Variants in KTN1 observed in about 807,000 individuals in gnomAD.
The protein encoded by KTN1 is kinectin.
In KTN1, 130 loss-of-function variants were observed where a neutral mutation model predicts 222.5. The ratio of observed to expected loss-of-function variants is 0.58; its 90% confidence interval spans 0.51 to 0.68. The LOEUF is 0.68. Among genes scored for constraint, KTN1 ranks in the 30% least tolerant of loss-of-function variants. The pLI, the probability that KTN1 is intolerant of heterozygous loss-of-function variation, is 0.00. For synonymous variants in KTN1, 512 were observed against 496.3 expected (o/e 1.03, Z -0.42); for missense variants, 1,508 against 1,500.4 (o/e 1.01, Z -0.08).
At chr14:55,664,580 A>G (rs1316518531) in intron 33 of KTN1, among the ~76,000 whole-genome samples, 1 of 152,160 alleles carries the variant, frequency 6.6e-6, no homozygotes, top group Non-Finnish European at 1.5e-5. Context: ...TAGCAATGAC[A>G]CATGGCATGT....
At chr14:55,594,296 A>T (rs2034653640) in intron 1 of KTN1, among the ~76,000 whole-genome samples, 1 of 152,092 alleles carries the variant, frequency 6.6e-6, no homozygotes, top group African/African-American at 2.4e-5. Context: ...CTTCCTTTGC[A>T]CAAATCTTTT....
intron 5 of KTN1, among the ~76,000 whole-genome samples, chr14:55,622,645 A>G (rs1325314446): frequency 6.6e-6 from 1 of 152,130 alleles, no homozygotes; most frequent in Non-Finnish European, 1.5e-5. Flanking sequence ...TCAAACCTTC[A>G]GTGGTTTAAT....
chr14:55,603,481 C>G (rs769749667), intron 1 of KTN1, among the ~76,000 whole-genome samples: 33 of 152,182 alleles, frequency 2.2e-4, no homozygotes, highest in Non-Finnish European at 1.9e-4. Flanking sequence ...TGGTCCGTCT[C>G]TCCTCCTTAA....
chr14:55,673,479 C>T, intron 40 of KTN1: 2 of 347,064 alleles, frequency 5.8e-6, no homozygotes, highest in South Asian at 1.3e-4. Context: ...GCATGTTTGG[C>T]TTCCAACTCT....
intron 1 of KTN1, among the ~76,000 whole-genome samples, chr14:55,580,726 C>T (rs1297300908): frequency 6.6e-6 from 1 of 152,138 alleles, no homozygotes; most frequent in East Asian, 1.9e-4. Context: ...ACCGAGGCAC[C>T]TATTTTTAGC....
Position 55,637,770 on chromosome 14 carries a change from T to C in KTN1, c.1717-9T>C. 1 of 1,605,118 alleles carries C rather than the reference T, an allele frequency of 6.2e-7. No homozygotes were observed. Among genetic ancestry groups the C allele is most frequent in the Non-Finnish European group, 8.5e-7 (1 of 1,173,890 alleles). Reference sequence around the variant, plus strand: ...TGCTTTTTCTCTTTTTGGTTGCTATTTATGAAAGGATATTTTGGAGCAGAA... The same window carrying C: ...TGCTTTTTCTCTTTTTGGTTGCTATCTATGAAAGGATATTTTGGAGCAGAA... On this transcript the variant is annotated splice_polypyrimidine_tract_variant and intron_variant, in intron 11 of 43. Coordinates refer to ENST00000395314, the MANE Select transcript of KTN1 (RefSeq NM_001079521.2).
intron 1 of KTN1, among the ~76,000 whole-genome samples, chr14:55,588,965 A>G (rs1421423463): frequency 6.6e-6 from 1 of 151,688 alleles, no homozygotes; most frequent in Admixed American, 6.6e-5. Flanking sequence ...AAATTTTCCA[A>G]TATAGTTACC....
At chr14:55,627,280 A>G (rs1437214460) in intron 5 of KTN1, among the ~76,000 whole-genome samples, 1 of 152,052 alleles carries the variant, frequency 6.6e-6, no homozygotes, top group Non-Finnish European at 1.5e-5. Flanking sequence ...CTAGTTGGAA[A>G]TTTCAGGATA....
intron 1 of KTN1, among the ~76,000 whole-genome samples, chr14:55,591,476 G>C (rs1221238438): frequency 1.3e-5 from 2 of 151,760 alleles, no homozygotes; most frequent in Admixed American, 1.3e-4. Flanking sequence ...GTATATGTGT[G>C]ATGGCTCCAC....
At chr14:55,675,785 C>G in intron 40 of KTN1, 50 bp from the exon 41 acceptor site, 1 of 1,247,892 alleles carries the variant, frequency 8.0e-7, no homozygotes, top group South Asian at 1.2e-5. Context: ...TCAGCATAAT[C>G]AAAGAATGAT....
intron 1 of KTN1, 116 bp from the exon 2 acceptor site, chr14:55,611,903 T>TACA (rs2037633813): frequency 2.3e-6 from 1 of 436,878 alleles, no homozygotes; most frequent in Non-Finnish European, 4.0e-6. Flanking sequence ...CTGTTTAGAT[T>TACA]TGTAGGTCAG....
chr14:55,651,480 A>G (rs189776742), intron 24 of KTN1: 10 of 414,984 alleles, frequency 2.4e-5, no homozygotes, highest in South Asian at 7.1e-5. Context: ...GCTCTGATAC[A>G]GTAGGGAGGT....
At chr14:55,632,124 C>T (rs1380068316) in intron 7 of KTN1, among the ~76,000 whole-genome samples, 2 of 152,194 alleles carry the variant, frequency 1.3e-5, no homozygotes, top group Admixed American at 6.5e-5. Flanking sequence ...TTCATCTTCT[C>T]ATCCCCCAGC....
At chr14:55,681,366 T>G (rs2046351934) in intron 43 of KTN1, 1 of 152,228 alleles carries the variant, frequency 6.6e-6, no homozygotes, top group Non-Finnish European at 1.5e-5. Flanking sequence ...ACCCCTTGCC[T>G]TTCGACCTAA....
rs1002387589 is a variant in KTN1, at chr14:55,637,669, A to G, written c.1717-110A>G. On this transcript the variant is annotated intron_variant, in intron 11 of 43. Transcript: ENST00000395314. ...GCCTTTTGGAATCTAAGAATGCCTT[A>G]AAAAAAAAAAAGAAAAAGATAAACA... 52 of 353,390 alleles carry G rather than the reference A, an allele frequency of 1.5e-4. 1 individual carries two copies. Among genetic ancestry groups the G allele is most frequent in the Non-Finnish European group, 2.3e-4 (47 of 207,080 alleles). The allele number at this position is 353,390 out of a possible 1,614,324, so 21.9% of individuals were successfully genotyped here.
intron 1 of KTN1, among the ~76,000 whole-genome samples, chr14:55,603,455 C>T (rs2036268753): frequency 1.3e-5 from 2 of 152,184 alleles, no homozygotes; most frequent in Admixed American, 6.5e-5. Context: ...TACTTACCAA[C>T]CCCATTTGAC....
At chr14:55,677,144 A>G (rs536770285) in intron 41 of KTN1, among the ~76,000 whole-genome samples, 1 of 152,330 alleles carries the variant, frequency 6.6e-6, no homozygotes, top group Admixed American at 6.5e-5. Flanking sequence ...ATATTGTGCA[A>G]CATTTGATTG....
Position 55,629,988 on chromosome 14 carries a change from T to C in KTN1, c.1112T>C (p.Val371Ala), listed in dbSNP as rs774102268. 6.2e-7 allele frequency: 1 copy of C among 1,600,614 alleles called. No individual in the cohort carries two copies. Among genetic ancestry groups the C allele is most frequent in the East Asian group, 2.2e-5 (1 of 44,764 alleles). The change falls in exon 7 of 44, where the codon GTG (valine) becomes GCG (alanine). Residue 371 changes from valine (V) to alanine (A), a missense_variant. Physicochemically the swap from Val to Ala is moderately conservative, Grantham distance 64 (BLOSUM62 0). Transcript: ENST00000395314. ...ATGACAGAGAAAGAAAGAAGCAATGTGGTTATAACAAGGATGAAAGATCGA... is the reference window on the plus strand; with the variant it reads ...ATGACAGAGAAAGAAAGAAGCAATGCGGTTATAACAAGGATGAAAGATCGA... ...EMMTEKERSN[V>A]VITRMKDRIG...
rs564885848 is a variant in KTN1, at chr14:55,647,023, T to G, written c.2207+16T>G. On this transcript the variant is annotated intron_variant, in intron 19 of 43. Transcript: ENST00000395314. ...TGGAAAAATGGTAAGAGTTTAGTTT[T>G]CTTTTTATATTTTGATGAGTTACTT... 6 of 1,438,334 alleles carry G rather than the reference T, an allele frequency of 4.2e-6. No individual in the cohort carries two copies. In the South Asian group the frequency reaches 7.0e-5, roughly 17 times the overall value. The allele number at this position is 1,438,334 out of a possible 1,614,324, so 89.1% of individuals were successfully genotyped here.
Sources: allele counts gnomAD v4.1 joint callset (sites outside exome capture counted in the v4.1 genomes callset), GRCh38; gene constraint gnomAD v4.1.1; transcripts MANE v1.5; gene names NCBI Gene and HGNC (gene_info 2026-07-23, HGNC 2026-07-21).